MTUS1: variants seen among roughly 807,000 people sequenced by gnomAD.
The protein encoded by MTUS1 is microtubule associated scaffold protein 1.
MTUS1 carries 109 observed loss-of-function variants against 120.8 expected under a neutral mutation model. That is an observed-to-expected ratio of 0.90 (90% CI 0.77 to 1.06). The LOEUF is 1.06. MTUS1 is among the 50% of genes least tolerant of loss of function. The probability of loss-of-function intolerance (pLI) is 0.00; values close to 1 mark genes in which losing one functional copy is unlikely to be tolerated. For synonymous variants in MTUS1, 737 were observed against 550.5 expected (o/e 1.34, Z -4.74); for missense variants, 2,210 against 1,486.3 (o/e 1.49, Z -8.01).
At chr8:17,716,965 C>T (rs112155047) in intron 4 of MTUS1, among the ~76,000 whole-genome samples, 10 of 152,306 alleles carry the variant, frequency 6.6e-5, no homozygotes, top group African/African-American at 2.4e-4. Context: ...TCTCACTTCA[C>T]TCACTTAGCA....
intron 4 of MTUS1, among the ~76,000 whole-genome samples, chr8:17,719,943 G>T (rs186430582): frequency 6.6e-6 from 1 of 152,318 alleles, no homozygotes; most frequent in East Asian, 1.9e-4. Context: ...GTTGCTGCAA[G>T]GACTTTGAAG....
chr8:17,768,817 A>G (rs1367234146), intron 1 of MTUS1, among the ~76,000 whole-genome samples: 2 of 152,224 alleles, frequency 1.3e-5, no homozygotes. Flanking sequence ...TAAAACTGAT[A>G]TCAACACACC....
intron 3 of MTUS1, among the ~76,000 whole-genome samples, chr8:17,725,858 G>A (rs1176718982): frequency 6.6e-6 from 1 of 152,042 alleles, no homozygotes; most frequent in Admixed American, 6.6e-5. Context: ...TTCCAATGTG[G>A]CCCAGGGAAG....
At chr8:17,767,707 A>AG (rs2049654733) in intron 1 of MTUS1, among the ~76,000 whole-genome samples, 1 of 144,444 alleles carries the variant, frequency 6.9e-6, no homozygotes, top group African/African-American at 2.6e-5. Flanking sequence ...TCTTAAAAAA[A>AG]AAAAAAAAAA....
intron 7 of MTUS1, among the ~76,000 whole-genome samples, chr8:17,678,910 G>A (rs1361210705): frequency 6.6e-6 from 1 of 152,138 alleles, no homozygotes; most frequent in Non-Finnish European, 1.5e-5. Context: ...GGCTGTCTGT[G>A]CAGAATACCG....
intron 2 of MTUS1, among the ~76,000 whole-genome samples, chr8:17,753,405 T>G (rs2131332298): frequency 6.6e-6 from 1 of 152,330 alleles, no homozygotes; most frequent in African/African-American, 2.4e-5. Flanking sequence ...TATAACCTGA[T>G]TGTATCAGGC....
chr8:17,772,201 T>C (rs1252894645), intron 1 of MTUS1, among the ~76,000 whole-genome samples: 1 of 152,182 alleles, frequency 6.6e-6, no homozygotes, highest in Non-Finnish European at 1.5e-5. Context: ...TGCAGACTAA[T>C]CCTACCTTCA....
At chr8:17,799,443 C>A (rs2052508098) in intron 1 of MTUS1, among the ~76,000 whole-genome samples, 1 of 151,982 alleles carries the variant, frequency 6.6e-6, no homozygotes, top group African/African-American at 2.4e-5. Flanking sequence ...CAAGTATTTT[C>A]TTAAATATTA....
intron 6 of MTUS1, among the ~76,000 whole-genome samples, chr8:17,694,151 T>G (rs1167106865): frequency 1.3e-5 from 2 of 152,292 alleles, no homozygotes; most frequent in East Asian, 3.9e-4. Context: ...GGTCTCAAAC[T>G]CCTAGCCTTA....
At chr8:17,703,666 G>A (rs967801831) in intron 6 of MTUS1, among the ~76,000 whole-genome samples, 3 of 150,400 alleles carry the variant, frequency 2.0e-5, no homozygotes, top group African/African-American at 7.3e-5. Flanking sequence ...GATACGCCCT[G>A]GTCTCCTAGT....
At chr8:17,688,571 T>A (rs1276436255) in intron 6 of MTUS1, among the ~76,000 whole-genome samples, 1 of 152,238 alleles carries the variant, frequency 6.6e-6, no homozygotes, top group Non-Finnish European at 1.5e-5. Flanking sequence ...AATTCCCTTT[T>A]TTCTGCCTTA....
At chr8:17,763,705 G>T (rs1380576648) in intron 1 of MTUS1, among the ~76,000 whole-genome samples, 1 of 152,150 alleles carries the variant, frequency 6.6e-6, no homozygotes, top group African/African-American at 2.4e-5. Flanking sequence ...CCCAGGCAAA[G>T]GGAAACACAA....
intron 6 of MTUS1, among the ~76,000 whole-genome samples, chr8:17,700,583 C>T (rs426216): frequency 6.6e-6 from 1 of 151,616 alleles, no homozygotes; most frequent in South Asian, 2.1e-4. Flanking sequence ...TAAACAAAAA[C>T]GATTAAGTAT....
intron 3 of MTUS1, 77 bp from the exon 4 acceptor site, chr8:17,723,910 A>C: frequency 8.3e-7 from 1 of 1,207,214 alleles, no homozygotes; most frequent in Non-Finnish European, 1.2e-6. Context: ...CTGTAAACTC[A>C]AACTTCTGCA....
At chr8:17,648,076 A>G (rs1183091128) in intron 13 of MTUS1, among the ~76,000 whole-genome samples, 1 of 152,200 alleles carries the variant, frequency 6.6e-6, no homozygotes, top group African/African-American at 2.4e-5. Context: ...CTGGAATTTG[A>G]GATTGGGAGG....
At chr8:17,788,782 T>C (rs1220132454) in intron 1 of MTUS1, among the ~76,000 whole-genome samples, 1 of 152,192 alleles carries the variant, frequency 6.6e-6, no homozygotes, top group Non-Finnish European at 1.5e-5. Flanking sequence ...CATCATATTG[T>C]AGATGATTTT....
chr8:17,646,099 C>G lies in MTUS1; in HGVS notation c.3640G>C (p.Glu1214Gln). Residue 1214 changes from glutamate (E) to glutamine (Q), a missense_variant, in exon 15 of 15, where the codon GAG (glutamate) becomes CAG (glutamine). By Grantham distance (29) the Glu-to-Gln change is conservative (BLOSUM62 2). Coordinates refer to ENST00000693296, the MANE Select transcript of MTUS1 (RefSeq NM_001363059.2). ...CGCTTGTTGACTTTCGACTCCTTCT[C>G]CAGCGACTCTTGCAGAACAGCCTGC... is the stretch of plus-strand genomic sequence containing the variant. ...TEQAVLQESL[E>Q]KESKVNKRLS... is the part of the protein sequence containing the mutation. 3 of 1,613,206 alleles carry G rather than the reference C, an allele frequency of 1.9e-6. No homozygotes were observed. Among genetic ancestry groups the G allele is most frequent in the South Asian group, 2.2e-5 (2 of 90,912 alleles).
At chr8:17,713,005 T>C (rs927013121) in intron 6 of MTUS1, among the ~76,000 whole-genome samples, 1 of 152,196 alleles carries the variant, frequency 6.6e-6, no homozygotes, top group Non-Finnish European at 1.5e-5. Context: ...AACTATCTAT[T>C]AGTAATACAA....
chr8:17,703,748 C>T (rs1284135035), intron 6 of MTUS1, among the ~76,000 whole-genome samples: 1 of 152,020 alleles, frequency 6.6e-6, no homozygotes, highest in Non-Finnish European at 1.5e-5. Flanking sequence ...CAGACCGGTT[C>T]TCTGCTCTCA....
Sources: gnomAD v4.1 joint callset for allele counts (sites outside exome capture counted in the v4.1 genomes callset) on GRCh38, gnomAD v4.1.1 for gene constraint, MANE v1.5 for transcripts, NCBI Gene and HGNC (gene_info 2026-07-23, HGNC 2026-07-21) for gene names.